Variants in VAV3 observed in about 807,000 individuals in gnomAD.
VAV3 encodes the protein guanine nucleotide exchange factor VAV3.
Under a neutral mutation model 131.2 loss-of-function variants are expected in VAV3, and 94 were observed. That is an observed-to-expected ratio of 0.72 (90% confidence interval 0.61 to 0.85). The LOEUF (loss-of-function observed/expected upper bound fraction) is 0.85, where lower values mean the gene tolerates loss of function less well. VAV3 is among the 40% of genes least tolerant of loss of function. VAV3 has a pLI of 0.00. For missense variants in VAV3, 939 were observed against 1,002.7 expected (o/e 0.94, Z 0.86); for synonymous variants, 349 against 342.0 (o/e 1.02, Z -0.22).
intron 26 of VAV3, 91 bp from the exon 27 acceptor site, chr1:107,573,463 C>A (rs1242926998): frequency 2.0e-6 from 3 of 1,505,444 alleles, no homozygotes; most frequent in African/African-American, 1.4e-5. Flanking sequence ...TTTCATAACA[C>A]CCCAATTAAA....
chr1:107,853,405 C>T (rs1669317450), intron 2 of VAV3, among the ~76,000 whole-genome samples: 1 of 152,126 alleles, frequency 6.6e-6, no homozygotes, highest in Admixed American at 6.5e-5. Flanking sequence ...ACTTTCAACA[C>T]TATATTTTCC....
intron 1 of VAV3, among the ~76,000 whole-genome samples, chr1:107,916,495 C>T (rs943319779): frequency 6.6e-6 from 1 of 152,262 alleles, no homozygotes; most frequent in African/African-American, 2.4e-5. Context: ...ATTTGAGTTC[C>T]TTCTCTGTGT....
At chr1:107,681,715 G>A (rs963787875) in intron 19 of VAV3, among the ~76,000 whole-genome samples, 9 of 150,522 alleles carry the variant, frequency 6.0e-5, no homozygotes, top group African/African-American at 1.5e-4. Context: ...GTGCAGTGGC[G>A]CGATCTCGGC....
chr1:107,876,744 C>T (rs539481697), intron 1 of VAV3, among the ~76,000 whole-genome samples: 2 of 152,010 alleles, frequency 1.3e-5, no homozygotes, highest in Non-Finnish European at 2.9e-5. Flanking sequence ...TGCAGTGGCA[C>T]ATATTTTTTT....
At chr1:107,644,593 A>T (rs955463328) in intron 19 of VAV3, among the ~76,000 whole-genome samples, 13 of 152,138 alleles carry the variant, frequency 8.5e-5, no homozygotes, top group African/African-American at 2.9e-4. Flanking sequence ...CACAGGGATA[A>T]AAAGGGAGCA....
At chr1:107,948,975 G>A (rs1403812271) in intron 1 of VAV3, among the ~76,000 whole-genome samples, 1 of 152,126 alleles carries the variant, frequency 6.6e-6, no homozygotes, top group Admixed American at 6.5e-5. Context: ...GTTTACTACT[G>A]CAAATTTAAC....
At chr1:107,576,487 A>G in intron 25 of VAV3, 9 of 1,500,800 alleles carry the variant, frequency 6.0e-6, no homozygotes, top group Non-Finnish European at 7.1e-6. Flanking sequence ...TTTGAGAAAG[A>G]AAGAAAAAGA....
intron 2 of VAV3, among the ~76,000 whole-genome samples, chr1:107,799,069 G>A (rs1666702997): frequency 6.6e-6 from 1 of 152,108 alleles, no homozygotes; most frequent in Admixed American, 6.5e-5. Context: ...ATAGAAATGA[G>A]AGACCCAAAA....
rs1366791935 is a variant in VAV3 at position 107,571,741 on chromosome 1, A to AT, written c.*1589dup. On this transcript the variant is annotated 3_prime_UTR_variant, in exon 27 of 27. Transcript: ENST00000370056. The stretch of plus-strand genomic sequence containing the variant: ...ACTTAAATGGTTTTAGCAAATAATA[A>AT]TTTTTCTAAAACACAATCACAGTTT... 2.0e-5 allele frequency: 3 copies of AT among 152,628 alleles called. No homozygotes were observed. The highest frequency in any genetic ancestry group is 7.2e-5 in the African/African-American group (3 of 41,448). 9.5% of individuals were successfully genotyped at this position (152,628 alleles called of 1,614,324 possible). A position where few individuals can be genotyped will look rare whatever the true frequency, so the allele number is the denominator to read the frequency against.
Position 107,626,115 on chromosome 1 carries a change from T to C in VAV3, c.1915-8483A>G, listed in dbSNP as rs77127620. Among the ~76,000 whole-genome samples, 164 of 152,280 alleles carry C rather than the reference T, an allele frequency of 1.1e-3. 1 individual carries two copies. The East Asian group carries it at 0.03, about 28-fold the overall frequency. On this transcript the variant is annotated intron_variant, in intron 20 of 26. Transcript: ENST00000370056. The stretch of plus-strand genomic sequence containing the variant: ...ATAACCTACATTGCACTGTACCAAG[T>C]ATTGGAAAAATACAAGAATTGTTAA...
Position 107,871,335 on chromosome 1 carries a change from C to T in VAV3, c.321+3566G>A, listed in dbSNP as rs147843994. ...AACCCTCAACGTCCCCCATTCCCCC[C>T]CTCTCCCCCCACCAGACCTCAGCAG... is the stretch of plus-strand genomic sequence containing the variant. On this transcript the variant is annotated intron_variant, in intron 2 of 26. Coordinates refer to ENST00000370056, the MANE Select transcript of VAV3 (RefSeq NM_006113.5). Among the ~76,000 whole-genome samples the T allele has an allele frequency of 5.9e-5, 9 of 151,698 alleles. No homozygotes were observed. The South Asian group carries it at 1.9e-3, about 32-fold the overall frequency.
chr1:107,770,611 T>C (rs1225941425), intron 6 of VAV3, 25 bp downstream of exon 6: 2 of 1,448,382 alleles, frequency 1.4e-6, no homozygotes, highest in East Asian at 2.3e-5. Context: ...TATTTGGGCA[T>C]CAAAAATAAT....
intron 15 of VAV3, among the ~76,000 whole-genome samples, chr1:107,719,507 A>G (rs886326473): frequency 3.3e-5 from 5 of 152,208 alleles, no homozygotes; most frequent in African/African-American, 7.2e-5. Context: ...CAAAACCACA[A>G]TGAGTTACCA....
At chr1:107,934,718 A>G (rs1399957777) in intron 1 of VAV3, among the ~76,000 whole-genome samples, 1 of 152,268 alleles carries the variant, frequency 6.6e-6, no homozygotes, top group Non-Finnish European at 1.5e-5. Context: ...AAACTTAACC[A>G]CTGAAATTTT....
At chr1:107,594,454 A>C (rs992529850) in intron 25 of VAV3, among the ~76,000 whole-genome samples, 1 of 152,138 alleles carries the variant, frequency 6.6e-6, no homozygotes, top group Non-Finnish European at 1.5e-5. Flanking sequence ...ACAAAAAAAA[A>C]GTTTTAGTGG....
chr1:107,915,797 T>C (rs2101132551), intron 1 of VAV3, among the ~76,000 whole-genome samples: 1 of 152,302 alleles, frequency 6.6e-6, no homozygotes, highest in South Asian at 2.1e-4. Context: ...AATGCATCTT[T>C]AGTGAGCACT....
At chr1:107,652,787 G>T (rs1656271889) in intron 19 of VAV3, among the ~76,000 whole-genome samples, 1 of 151,678 alleles carries the variant, frequency 6.6e-6, no homozygotes. Context: ...TTATTTATTT[G>T]TGCTTCTACC....
intron 10 of VAV3, among the ~76,000 whole-genome samples, chr1:107,759,310 C>A (rs914720572): frequency 3.9e-5 from 6 of 152,140 alleles, no homozygotes; most frequent in Non-Finnish European, 8.8e-5. Flanking sequence ...CATAAAAATT[C>A]TATTCTTTTA....
At chr1:107,712,675 T>TA (rs34666353) in intron 15 of VAV3, among the ~76,000 whole-genome samples, 23 of 152,230 alleles carry the variant, frequency 1.5e-4, no homozygotes, top group African/African-American at 4.6e-4. Flanking sequence ...AATGCTCATT[T>TA]AAAAAAAACT....
Sources: allele counts gnomAD v4.1 joint callset (sites outside exome capture counted in the v4.1 genomes callset), GRCh38; gene constraint gnomAD v4.1.1; transcripts MANE v1.5; gene names NCBI Gene and HGNC (gene_info 2026-07-23, HGNC 2026-07-21).